KCNAB2: variants seen among roughly 807,000 people sequenced by gnomAD.
The protein encoded by KCNAB2 is voltage-gated potassium channel subunit beta-2.
A neutral mutation model predicts 63.6 loss-of-function variants in KCNAB2; 29 were observed. The observed-to-expected ratio is 0.46, with a 90% confidence interval of 0.34 to 0.62. KCNAB2 has a LOEUF of 0.62. Ranked by LOEUF, KCNAB2 falls within the 20% of genes least tolerant of loss-of-function variation. The pLI is 0.01. For missense variants in KCNAB2, 359 were observed against 563.9 expected, an observed-to-expected ratio of 0.64 and a Z score of 3.68; for synonymous variants, 222 against 224.2, an observed-to-expected ratio of 0.99 and a Z score of 0.09.
intron 1 of KCNAB2, among the ~76,000 whole-genome samples, chr1:6,022,567 AC>A (rs1311996107): frequency 6.6e-6 from 1 of 152,122 alleles, no homozygotes; most frequent in Non-Finnish European, 1.5e-5. Context: ...TATATGCACT[AC>A]CATCACCACC....
Position 6,051,512 on chromosome 1 carries a change from G to A in KCNAB2, c.-25G>A. 1 of 1,497,664 alleles carries A rather than the reference G, an allele frequency of 6.7e-7. No homozygotes were observed. Among genetic ancestry groups the A allele is most frequent in the Non-Finnish European group, 8.9e-7 (1 of 1,121,612 alleles). The allele number at this position is 1,497,664 out of a possible 1,614,324, so 92.8% of individuals were successfully genotyped here. ...TCTAACTCATCACCGTCTGGACAGT[G>A]GCAGCTCCCAAGCCAGGCGGCACCA... On this transcript the variant is annotated splice_region_variant and 5_prime_UTR_variant, in exon 2 of 16. Transcript: ENST00000378083.
intron 8 of KCNAB2, among the ~76,000 whole-genome samples, chr1:6,089,769 C>T (rs1665024640): frequency 6.6e-6 from 1 of 152,234 alleles, no homozygotes; most frequent in Non-Finnish European, 1.5e-5. Context: ...ACGATCTTGG[C>T]TCACTGCAAC....
At chr1:6,048,818 G>A (rs1661154189) in intron 1 of KCNAB2, among the ~76,000 whole-genome samples, 2 of 152,202 alleles carry the variant, frequency 1.3e-5, no homozygotes, top group South Asian at 4.1e-4. Context: ...CACCTCAGAA[G>A]CAGCTGCCTG....
chr1:6,002,479 G>T (rs4908477), intron 1 of KCNAB2, among the ~76,000 whole-genome samples: 5 of 152,236 alleles, frequency 3.3e-5, no homozygotes, highest in Admixed American at 3.3e-4. Context: ...AGCTGGCATC[G>T]GTGGCTGATG....
chr1:6,081,427 C>T (rs985270509), intron 4 of KCNAB2, among the ~76,000 whole-genome samples: 12 of 152,242 alleles, frequency 7.9e-5, no homozygotes, highest in Non-Finnish European at 1.2e-4. Context: ...GCTTTAAGGA[C>T]ATAGACTCAT....
In KCNAB2 at chr1:6,100,254, A is replaced by C; in HGVS notation, c.*1680A>C. On this transcript the variant is annotated 3_prime_UTR_variant, in exon 16 of 16. Coordinates refer to ENST00000378083, the MANE Select transcript of KCNAB2 (RefSeq NM_001199862.2). Reference sequence around the variant, plus strand: ...GGGGGATCAGCTTCTGCTATTACCGACCCCCCTTCATGCTGCCCCTGGCGC... The same window carrying C: ...GGGGGATCAGCTTCTGCTATTACCGCCCCCCCTTCATGCTGCCCCTGGCGC... 2.3e-5 allele frequency: 13 copies of C among 577,666 alleles called. No individual in the cohort carries two copies. Among genetic ancestry groups the C allele is most frequent in the African/African-American group, 5.7e-5 (3 of 52,706 alleles). The allele number at this position is 577,666 out of a possible 1,614,324, so 35.8% of individuals were successfully genotyped here. A position where few individuals can be genotyped will look rare whatever the true frequency, so the allele number is the denominator to read the frequency against.
At chr1:6,094,250 A>C (rs1298463931) in intron 10 of KCNAB2, 150 bp from the exon 11 acceptor site, 3 of 603,366 alleles carry the variant, frequency 5.0e-6, no homozygotes, top group Non-Finnish European at 8.8e-6. Context: ...CCCACACCCA[A>C]CTTCAGAGCC....
chr1:6,051,400 G>A, intron 1 of KCNAB2, 111 bp from the exon 2 acceptor site: 1 of 1,272,290 alleles, frequency 7.9e-7, no homozygotes, highest in South Asian at 1.8e-5. Context: ...CCTGGTGGTG[G>A]CACTAGTTAA....
chr1:6,048,743 G>A (rs1045117029), intron 1 of KCNAB2, among the ~76,000 whole-genome samples: 7 of 152,354 alleles, frequency 4.6e-5, no homozygotes, highest in African/African-American at 1.4e-4. Flanking sequence ...TCTAAACACA[G>A]ACCTCAGGGA....
chr1:5,995,769 G>T (rs1656907440), intron 1 of KCNAB2: 1 of 152,324 alleles, frequency 6.6e-6, no homozygotes, highest in Non-Finnish European at 1.5e-5. Flanking sequence ...TGTGAGGGAG[G>T]CTGGATAGGG....
intron 1 of KCNAB2, among the ~76,000 whole-genome samples, chr1:5,993,752 C>T (rs1158838670): frequency 6.6e-6 from 1 of 152,212 alleles, no homozygotes; most frequent in Non-Finnish European, 1.5e-5. Context: ...GTCTCCTTCC[C>T]TCCCCACCCC....
At chr1:6,008,526 C>T (rs952109523) in intron 1 of KCNAB2, among the ~76,000 whole-genome samples, 4 of 150,548 alleles carry the variant, frequency 2.7e-5, no homozygotes, top group Non-Finnish European at 4.4e-5. Flanking sequence ...GAGGCTGAAG[C>T]AAGAGAATTG....
At position 6,086,076 on chromosome 1, in the gene KCNAB2, C is replaced by G; in HGVS notation, c.425+828C>G. On this transcript the variant is annotated intron_variant, in intron 6 of 15. Coordinates refer to ENST00000378083, the MANE Select transcript of KCNAB2 (RefSeq NM_001199862.2). The surrounding 1 kb of genome is among the most constrained non-coding windows in gnomAD (Gnocchi z 4.2). Reference sequence around the variant, plus strand: ...CACTTGCCTACATTTTGAGGCTCCCCAGACCCCTGGACACAGCTTTATCTC... The same window carrying G: ...CACTTGCCTACATTTTGAGGCTCCCGAGACCCCTGGACACAGCTTTATCTC... The G allele has an allele frequency of 6.1e-6, 6 of 985,468 alleles. No individual in the cohort carries two copies. The highest frequency in any genetic ancestry group is 7.2e-6 in the Non-Finnish European group (6 of 829,958). 61.0% of individuals were successfully genotyped at this position (985,468 alleles called of 1,614,324 possible). A position where few individuals can be genotyped will look rare whatever the true frequency, so the allele number is the denominator to read the frequency against.
At chr1:6,044,857 C>T (rs940785583), upstream of KCNAB2, among the ~76,000 whole-genome samples, 1 of 152,130 alleles carries the variant, frequency 6.6e-6, no homozygotes, top group Non-Finnish European at 1.5e-5. Flanking sequence ...AAGCCACGTC[C>T]ACAGGGCTTG....
Position 5,994,493 on chromosome 1 carries a change from G to A in KCNAB2, c.-53+1705G>A, listed in dbSNP as rs980903580. Among the ~76,000 whole-genome samples the A allele has an allele frequency of 6.6e-6, 1 of 152,208 alleles. No homozygotes were observed. The highest frequency in any genetic ancestry group is 1.5e-5 in the Non-Finnish European group (1 of 68,030). Reference sequence around the variant, plus strand: ...GGCCGCAGCACATCCCTCGAGAGCAGCATGGTAGGGGCTTCCCTGTTGACA... The same window carrying A: ...GGCCGCAGCACATCCCTCGAGAGCAACATGGTAGGGGCTTCCCTGTTGACA... On this transcript the variant is annotated intron_variant, in intron 1 of 16. Coordinates refer to the KCNAB2 transcript ENST00000341524. The surrounding 1 kb of genome is among the most constrained non-coding windows in gnomAD (Gnocchi z 5.4).
chr1:6,042,006 CTCA>C, upstream of KCNAB2: 1 of 743,160 alleles, frequency 1.3e-6, no homozygotes, highest in East Asian at 2.5e-5. Flanking sequence ...CCAGGCTCTG[CTCA>C]TCACCCTCTG....
chr1:6,025,452 T>C (rs893645636), intron 1 of KCNAB2, among the ~76,000 whole-genome samples: 11 of 151,882 alleles, frequency 7.2e-5, no homozygotes, highest in Non-Finnish European at 1.3e-4. Flanking sequence ...GCAGCTGGCG[T>C]AGGAGGGAGG....
At chr1:6,009,560 T>C (rs1281088823) in intron 1 of KCNAB2, among the ~76,000 whole-genome samples, 2 of 152,224 alleles carry the variant, frequency 1.3e-5, no homozygotes, top group African/African-American at 2.4e-5. Context: ...TTGATCAACT[T>C]CCTGTAATGG....
chr1:6,026,269 G>A (rs968371730), intron 1 of KCNAB2: 4 of 152,254 alleles, frequency 2.6e-5, no homozygotes, highest in Non-Finnish European at 4.4e-5. Context: ...ACGGGGCCCT[G>A]GCGCGCCAGG....
Sources: gnomAD v4.1 joint callset for allele counts (sites outside exome capture counted in the v4.1 genomes callset) on GRCh38, gnomAD v4.1.1 for gene constraint, Gnocchi (gnomAD v3.1) non-coding constraint, MANE v1.5 for transcripts, NCBI Gene and HGNC (gene_info 2026-07-23, HGNC 2026-07-21) for gene names.